DOCK4: variants seen among roughly 807,000 people sequenced by gnomAD.
DOCK4 encodes the protein dedicator of cytokinesis protein 4.
DOCK4 carries 97 observed loss-of-function variants against 268.1 expected under a neutral mutation model. The observed-to-expected ratio is 0.36, with a 90% confidence interval of 0.31 to 0.43. The LOEUF (loss-of-function observed/expected upper bound fraction) is 0.43. Among genes scored for constraint, DOCK4 ranks in the 20% least tolerant of loss-of-function variants. The pLI is 1.00. For missense variants in DOCK4, 2,145 were observed against 2,455.7 expected, an observed-to-expected ratio of 0.87 and a Z score of 2.67; for synonymous variants, 954 against 887.2, an observed-to-expected ratio of 1.08 and a Z score of -1.34.
chr7:112,014,238 T>C (rs952442235), intron 1 of DOCK4, among the ~76,000 whole-genome samples: 13 of 151,766 alleles, frequency 8.6e-5, no homozygotes, highest in Non-Finnish European at 1.9e-4. Flanking sequence ...TGCTTGGATT[T>C]TGTCACTTGG....
At chr7:112,011,081 C>T (rs781418623) in intron 1 of DOCK4, among the ~76,000 whole-genome samples, 3 of 152,194 alleles carry the variant, frequency 2.0e-5, no homozygotes, top group Non-Finnish European at 2.9e-5. Context: ...AGCTGCTTTG[C>T]TCAAGGCTGG....
intron 12 of DOCK4, among the ~76,000 whole-genome samples, chr7:111,917,747 AGAT>A (rs1276448379): frequency 2.0e-5 from 3 of 152,142 alleles, no homozygotes; most frequent in African/African-American, 7.2e-5. Flanking sequence ...ACAGTCAAGA[AGAT>A]GATAAATCTA....
At chr7:111,729,242 G>A (rs946984822) in intron 52 of DOCK4, among the ~76,000 whole-genome samples, 2 of 152,188 alleles carry the variant, frequency 1.3e-5, no homozygotes, top group Admixed American at 6.5e-5. Flanking sequence ...TCACCGCCCA[G>A]TTTACTCCTT....
intron 12 of DOCK4, among the ~76,000 whole-genome samples, chr7:111,926,120 A>G (rs867034375): frequency 5.0e-4 from 67 of 135,106 alleles, no homozygotes; most frequent in African/African-American, 1.5e-3. Flanking sequence ...GAGAAAGAGA[A>G]AAAGAAAGAA....
intron 1 of DOCK4, among the ~76,000 whole-genome samples, chr7:112,010,359 A>G (rs1278970080): frequency 6.6e-6 from 1 of 152,180 alleles, no homozygotes; most frequent in Non-Finnish European, 1.5e-5. Context: ...TGTCATTTTG[A>G]AAGTATAGCA....
intron 8 of DOCK4, among the ~76,000 whole-genome samples, chr7:111,952,830 A>G (rs1331892868): frequency 1.3e-5 from 2 of 152,200 alleles, no homozygotes; most frequent in African/African-American, 4.8e-5. Flanking sequence ...AATTGGAAAA[A>G]CAACTGTCAT....
chr7:111,977,325 G>A (rs2135126004), intron 7 of DOCK4, 42 bp from the exon 8 acceptor site: 3 of 1,565,154 alleles, frequency 1.9e-6, no homozygotes, highest in East Asian at 2.3e-5. Context: ...AGCATGGACT[G>A]AAGGAAATAA....
At chr7:111,823,009 G>C (rs1802110996) in intron 26 of DOCK4, among the ~76,000 whole-genome samples, 1 of 152,090 alleles carries the variant, frequency 6.6e-6, no homozygotes. Flanking sequence ...AGAGTGTGCT[G>C]TGCACAATAC....
intron 28 of DOCK4, among the ~76,000 whole-genome samples, chr7:111,810,276 A>G (rs1801002594): frequency 6.6e-6 from 1 of 151,936 alleles, no homozygotes; most frequent in South Asian, 2.1e-4. Context: ...ATATGGTGAA[A>G]CCCCGTCTAT....
chr7:111,988,794 T>C (rs562689618), intron 6 of DOCK4, among the ~76,000 whole-genome samples: 2 of 152,330 alleles, frequency 1.3e-5, no homozygotes, highest in East Asian at 1.9e-4. Context: ...TCAAGCCACA[T>C]ACGATACTAG....
intron 27 of DOCK4, among the ~76,000 whole-genome samples, chr7:111,813,491 G>A (rs1801301529): frequency 6.6e-6 from 1 of 152,224 alleles, no homozygotes; most frequent in South Asian, 2.1e-4. Context: ...GAAGTTCAAG[G>A]TAATGAAAAG....
chr7:111,994,566 T>C (rs1052716272), intron 4 of DOCK4, among the ~76,000 whole-genome samples: 2 of 152,222 alleles, frequency 1.3e-5, no homozygotes, highest in African/African-American at 4.8e-5. Context: ...ATGAGGTCAC[T>C]GGGCTACATA....
chr7:112,070,148 A>T (rs1807455126), intron 1 of DOCK4, among the ~76,000 whole-genome samples: 1 of 152,230 alleles, frequency 6.6e-6, no homozygotes, highest in Non-Finnish European at 1.5e-5. Context: ...GGTAGAAAGC[A>T]GCTATAGTAG....
At chr7:111,904,334 T>C (rs898281322) in intron 13 of DOCK4, among the ~76,000 whole-genome samples, 3 of 152,166 alleles carry the variant, frequency 2.0e-5, no homozygotes, top group African/African-American at 7.2e-5. Context: ...TTCTAGCAGG[T>C]GTAAGTCCTT....
At chr7:112,102,307 G>A (rs1810771596) in intron 1 of DOCK4, among the ~76,000 whole-genome samples, 1 of 152,156 alleles carries the variant, frequency 6.6e-6, no homozygotes, top group Non-Finnish European at 1.5e-5. Context: ...GAAACACTGT[G>A]AATGCTTAAA....
At chr7:111,756,447 A>G (rs150294166) in intron 41 of DOCK4, among the ~76,000 whole-genome samples, 2 of 152,132 alleles carry the variant, frequency 1.3e-5, no homozygotes, top group African/African-American at 4.8e-5. Context: ...GAACCTACCC[A>G]CTAGGACCTC....
At chr7:112,032,088 G>T (rs1347337152) in intron 1 of DOCK4, among the ~76,000 whole-genome samples, 2 of 152,112 alleles carry the variant, frequency 1.3e-5, no homozygotes, top group Non-Finnish European at 2.9e-5. Context: ...TAATCTTGTT[G>T]TAAGACCCTT....
chr7:112,029,115 C>G (rs577377533), intron 1 of DOCK4, among the ~76,000 whole-genome samples: 63 of 152,338 alleles, frequency 4.1e-4, no homozygotes, highest in Middle Eastern at 6.8e-3. Flanking sequence ...GCACCCAGCT[C>G]TGAAATGTGC....
intron 1 of DOCK4, among the ~76,000 whole-genome samples, chr7:112,131,258 A>C (rs1422195613): frequency 2.0e-5 from 3 of 152,136 alleles, no homozygotes; most frequent in Admixed American, 2.0e-4. Flanking sequence ...CATAACTAAT[A>C]AATCACTCCA....
Sources: allele counts gnomAD v4.1 joint callset (sites outside exome capture counted in the v4.1 genomes callset), GRCh38; gene constraint gnomAD v4.1.1; transcripts MANE v1.5; gene names NCBI Gene and HGNC (gene_info 2026-07-23, HGNC 2026-07-21).